DRC9: variants seen among roughly 807,000 people sequenced by gnomAD.
DRC9 encodes dynein regulatory complex protein 9.
At chr3:197,924,692 G>A in the DRC9 span, among the ~76,000 whole-genome samples, 335 of 152,250 alleles carry the variant, frequency 2.2e-3, no homozygotes, top group Non-Finnish European at 3.6e-3. Context: ...GCTAATTTTT[G>A]TATTTTGAGT....
the DRC9 span, chr3:197,950,629 CT>C: frequency 1.8e-5 from 8 of 441,968 alleles, no homozygotes; most frequent in Non-Finnish European, 3.2e-5. Flanking sequence ...GGCTTCATTT[CT>C]TTTCCTGAGT....
the DRC9 span, chr3:197,925,968 A>G: frequency 1.1e-6 from 1 of 885,896 alleles, no homozygotes; most frequent in Non-Finnish European, 1.9e-6. Flanking sequence ...TGGCTTCCAT[A>G]TATTTAATAG....
the DRC9 span, among the ~76,000 whole-genome samples, chr3:197,895,695 G>A: frequency 2.0e-5 from 3 of 152,008 alleles, no homozygotes; most frequent in Admixed American, 1.3e-4. Flanking sequence ...AATATTGACC[G>A]GGTGCCGTGG....
At chr3:197,953,367 C>G in the DRC9 span, 1 of 449,328 alleles carries the variant, frequency 2.2e-6, no homozygotes, top group Non-Finnish European at 4.5e-6. Flanking sequence ...CAAGACAACC[C>G]CGTGGTCTTT....
At chr3:197,911,378 GTAAA>G in the DRC9 span, among the ~76,000 whole-genome samples, 1 of 152,098 alleles carries the variant, frequency 6.6e-6, no homozygotes, top group Admixed American at 6.5e-5. Flanking sequence ...TTGGCTTTTA[GTAAA>G]TAGTTGCCAT....
chr3:197,950,175 C>A, the DRC9 span: 1 of 1,231,782 alleles, frequency 8.1e-7, no homozygotes, highest in Non-Finnish European at 1.0e-6. Context: ...CAAGGCCACG[C>A]GGCGGGGCCT....
At chr3:197,902,129 C>T in the DRC9 span, among the ~76,000 whole-genome samples, 3 of 152,206 alleles carry the variant, frequency 2.0e-5, no homozygotes, top group South Asian at 2.1e-4. Flanking sequence ...AAGGTGATAC[C>T]TCTACATGTC....
the DRC9 span, among the ~76,000 whole-genome samples, chr3:197,952,078 T>C: frequency 6.6e-6 from 1 of 152,164 alleles, no homozygotes; most frequent in Admixed American, 6.6e-5. Flanking sequence ...TTTCTAATTT[T>C]TTTTCTCGGC....
At chr3:197,944,415 C>T in the DRC9 span, among the ~76,000 whole-genome samples, 2 of 151,886 alleles carry the variant, frequency 1.3e-5, no homozygotes, top group African/African-American at 2.4e-5. Context: ...TGTGCTACCA[C>T]ACCTGGCTAA....
At chr3:197,889,683 C>G in the DRC9 span, 1 of 1,614,072 alleles carries the variant, frequency 6.2e-7, no homozygotes, top group Non-Finnish European at 8.5e-7. Flanking sequence ...AATTTCTCTC[C>G]GTATCATAGT....
the DRC9 span, chr3:197,906,343 A>G: frequency 3.9e-5 from 6 of 152,224 alleles, no homozygotes; most frequent in Non-Finnish European, 8.8e-5. Context: ...CAGGAATTTA[A>G]AGATGACTCA....
At chr3:197,950,924 GTTTGT>G in the DRC9 span, 8 of 1,613,542 alleles carry the variant, frequency 5.0e-6, no homozygotes, top group Non-Finnish European at 5.9e-6. Flanking sequence ...TAATCTTTTT[GTTTGT>G]TTTAAGGCCT....
At chr3:197,922,006 A>G in the DRC9 span, among the ~76,000 whole-genome samples, 1 of 136,818 alleles carries the variant, frequency 7.3e-6, no homozygotes, top group Non-Finnish European at 1.6e-5. Flanking sequence ...ACTTGGTTTC[A>G]TCTTGGTCGA....
the DRC9 span, chr3:197,943,990 C>T: frequency 1.2e-6 from 2 of 1,614,042 alleles, no homozygotes; most frequent in Non-Finnish European, 8.5e-7. Context: ...TCGCCTGTCA[C>T]TGACACCGTC....
chr3:197,932,419 G>C, the DRC9 span: 1 of 668,218 alleles, frequency 1.5e-6, no homozygotes, highest in East Asian at 3.8e-5. Context: ...CGGATCACGA[G>C]GTCAGGAGAT....
At chr3:197,952,488 C>A in the DRC9 span, 1 of 151,754 alleles carries the variant, frequency 6.6e-6, no homozygotes, top group East Asian at 1.9e-4. Flanking sequence ...TCTTTTCTTT[C>A]TTTTCTTTTT....
chr3:197,955,897 T>C, the DRC9 span: 2 of 848,622 alleles, frequency 2.4e-6, no homozygotes, highest in Non-Finnish European at 4.0e-6. Context: ...TCAGCATTTT[T>C]GGAGTACAAG....
the DRC9 span, among the ~76,000 whole-genome samples, chr3:197,911,989 A>T: frequency 1.5e-4 from 23 of 151,452 alleles, no homozygotes; most frequent in African/African-American, 4.6e-4. Context: ...ATTGGGAAAA[A>T]TTTTTAAATA....
chr3:197,925,717 G>T, the DRC9 span, among the ~76,000 whole-genome samples: 1 of 151,722 alleles, frequency 6.6e-6, no homozygotes, highest in East Asian at 1.9e-4. Flanking sequence ...CCAAGTAGCT[G>T]GGATTACGGG....
Sources: gnomAD v4.1 joint callset for allele counts (sites outside exome capture counted in the v4.1 genomes callset) on GRCh38, gnomAD v4.1.1 for gene constraint, MANE v1.5 for transcripts, NCBI Gene and HGNC (gene_info 2026-07-23, HGNC 2026-07-21) for gene names.